The following SMC5 variants were observed in gnomAD, a reference collection of about 807,000 sequenced individuals.
SMC5 encodes the protein structural maintenance of chromosomes protein 5.
A neutral mutation model predicts 148.3 loss-of-function variants in SMC5; 88 were observed. The observed-to-expected ratio is 0.59, with a 90% CI of 0.50 to 0.71. SMC5 has a LOEUF of 0.71. SMC5 is among the 30% of genes least tolerant of loss of function. The probability of loss-of-function intolerance (pLI) is 0.00; values close to 1 mark genes in which losing one functional copy is unlikely to be tolerated. For missense variants in SMC5, 1,142 were observed against 1,298.9 expected (o/e 0.88, Z 1.86); for synonymous variants, 421 against 432.8 (o/e 0.97, Z 0.34).
chr9:70,332,642 A>G (rs528077609), intron 17 of SMC5, among the ~76,000 whole-genome samples: 120 of 152,332 alleles, frequency 7.9e-4, no homozygotes, highest in Non-Finnish European at 1.4e-3. Flanking sequence ...GATACTAAAA[A>G]GAACTACAGA....
intron 17 of SMC5, among the ~76,000 whole-genome samples, chr9:70,327,708 A>G (rs1278033684): frequency 6.6e-6 from 1 of 152,228 alleles, no homozygotes; most frequent in Non-Finnish European, 1.5e-5. Flanking sequence ...GCAGCTGCTA[A>G]TGAATCGGAT....
At chr9:70,280,733 G>A (rs1294239447) in intron 5 of SMC5, 26 bp from the exon 6 acceptor site, 1 of 1,576,328 alleles carries the variant, frequency 6.3e-7, no homozygotes, top group East Asian at 2.2e-5. Context: ...CTGTCAAACT[G>A]ATTGTTCAAC....
chr9:70,335,046 G>A (rs954306089), intron 17 of SMC5, among the ~76,000 whole-genome samples: 1 of 152,184 alleles, frequency 6.6e-6, no homozygotes. Context: ...ACTGTCATAC[G>A]CCACTGGTGG....
intron 3 of SMC5, among the ~76,000 whole-genome samples, chr9:70,273,137 T>TTA (rs2034496267): frequency 6.6e-6 from 1 of 151,964 alleles, no homozygotes; most frequent in Non-Finnish European, 1.5e-5. Flanking sequence ...AGCTTACTGT[T>TTA]TAAAAAAATC....
chr9:70,305,133 TA>T (rs2035462277), intron 10 of SMC5, 113 bp from the exon 11 acceptor site: 1 of 558,344 alleles, frequency 1.8e-6, no homozygotes, highest in Non-Finnish European at 3.2e-6. Flanking sequence ...TCTTTTTTTT[TA>T]TCTTGTTTTT....
At chr9:70,270,349 T>C (rs924661998) in intron 3 of SMC5, among the ~76,000 whole-genome samples, 2 of 152,178 alleles carry the variant, frequency 1.3e-5, no homozygotes, top group Non-Finnish European at 2.9e-5. Flanking sequence ...TATGGATGTG[T>C]TTCGTAATCT....
chr9:70,336,200 T>C (rs1240978413), intron 17 of SMC5, among the ~76,000 whole-genome samples: 2 of 151,756 alleles, frequency 1.3e-5, no homozygotes, highest in East Asian at 3.9e-4. Flanking sequence ...GGGTAGATTT[T>C]AGGAAATGTA....
Position 70,349,034 on chromosome 9 carries a change from A to G in SMC5, c.2889+996A>G, listed in dbSNP as rs146767638. Among the ~76,000 whole-genome samples, 61 of 151,528 alleles carry G rather than the reference A, an allele frequency of 4.0e-4. 1 individual carries two copies. Among genetic ancestry groups the G allele is most frequent in the African/African-American group, 1.4e-3 (58 of 41,052 alleles). On this transcript the variant is annotated intron_variant, in intron 22 of 24. Coordinates refer to ENST00000361138, the MANE Select transcript of SMC5 (RefSeq NM_015110.4). ...ATCTTAGACCTTAAAGCTCTATTCAATTAATAGATAACCTTTAATTAGTAA... is the reference window on the plus strand; with the variant it reads ...ATCTTAGACCTTAAAGCTCTATTCAGTTAATAGATAACCTTTAATTAGTAA...
intron 16 of SMC5, 120 bp from the exon 17 acceptor site, chr9:70,323,901 C>T (rs1213057089): frequency 1.0e-6 from 1 of 981,022 alleles, no homozygotes; most frequent in Non-Finnish European, 1.5e-6. Context: ...AGAGAGATGT[C>T]AGGCACAATA....
intron 17 of SMC5, among the ~76,000 whole-genome samples, chr9:70,334,952 T>G (rs1306545093): frequency 6.6e-6 from 1 of 152,164 alleles, no homozygotes; most frequent in African/African-American, 2.4e-5. Flanking sequence ...ATTAAAGGCA[T>G]GAGTTAAACC....
intron 3 of SMC5, among the ~76,000 whole-genome samples, chr9:70,269,022 T>A (rs1587618794): frequency 6.6e-6 from 1 of 152,188 alleles, no homozygotes; most frequent in Non-Finnish European, 1.5e-5. Flanking sequence ...AGTGGAAAGT[T>A]GTGGCATTTT....
rs2036605089 is a variant in SMC5, at chr9:70,344,283, G to T, written c.2523+14G>T. On this transcript the variant is annotated intron_variant, in intron 18 of 24. Transcript: ENST00000361138. Reference sequence around the variant, plus strand: ...GAATACCAGACAGTAAGTATAAAAAGTATATAATGCTACAATTGCCATATT... The same window carrying T: ...GAATACCAGACAGTAAGTATAAAAATTATATAATGCTACAATTGCCATATT... 1.4e-6 allele frequency: 2 copies of T among 1,423,810 alleles called. No individual in the cohort carries two copies. The highest frequency in any genetic ancestry group is 2.9e-5 in the African/African-American group (2 of 68,534). 88.2% of individuals were successfully genotyped at this position (1,423,810 alleles called of 1,614,324 possible). A position where few individuals can be genotyped will look rare whatever the true frequency, so the allele number is the denominator to read the frequency against.
intron 3 of SMC5, among the ~76,000 whole-genome samples, chr9:70,274,615 A>G (rs1320493059): frequency 1.3e-5 from 2 of 151,926 alleles, no homozygotes; most frequent in Non-Finnish European, 2.9e-5. Flanking sequence ...ATTTACAAAT[A>G]TATGTTTGAA....
At chr9:70,316,523 A>G (rs1029154927) in intron 13 of SMC5, among the ~76,000 whole-genome samples, 6 of 151,756 alleles carry the variant, frequency 4.0e-5, no homozygotes, top group African/African-American at 1.2e-4. Flanking sequence ...AGAAGTCTCT[A>G]TGTGGGTATA....
chr9:70,336,482 G>C (rs1309735262), intron 17 of SMC5, among the ~76,000 whole-genome samples: 2 of 152,184 alleles, frequency 1.3e-5, no homozygotes, highest in Non-Finnish European at 2.9e-5. Flanking sequence ...GGAAGGAAAG[G>C]ATGGCAGAAT....
chr9:70,272,786 T>C lies in SMC5; in HGVS notation c.381-4524T>C, dbSNP rs2034486232. ...CATAGGGAAAACTAGGAAAGGAAACTGAGAGTTGGCTAGTGAGTCAGAAGA... is the reference window on the plus strand; with the variant it reads ...CATAGGGAAAACTAGGAAAGGAAACCGAGAGTTGGCTAGTGAGTCAGAAGA... On this transcript the variant is annotated intron_variant, in intron 3 of 24. Transcript: ENST00000361138. 2.6e-5 allele frequency among the ~76,000 whole-genome samples: 4 copies of C among 152,244 alleles called. No individual in the cohort carries two copies. The South Asian group carries it at 8.3e-4, about 32-fold the overall frequency.
rs892515654 is a variant in SMC5, at chr9:70,324,039, A to G, written c.2293A>G (p.Ile765Val). The change falls in exon 17 of 25, where the codon ATA becomes GTA. Residue 765 changes from isoleucine (I) to valine (V), a missense_variant. Ile to Val is a conservative substitution (Grantham distance 29). This residue lies in a region of SMC5 where 743 missense variants were observed against 835.7 expected (regional missense o/e 0.89). Coordinates refer to ENST00000361138, the MANE Select transcript of SMC5 (RefSeq NM_015110.4). ...NLIKICTSLH[I>V]QKVDLILQNT... ...TTCCTAGATTTGTACTTCTTTGCAT[A>G]TACAAAAAGTAGATTTAATTCTCCA... 8.9e-6 allele frequency: 14 copies of G among 1,577,942 alleles called. No homozygotes were observed. The East Asian group carries it at 2.1e-4, about 23-fold the overall frequency.
chr9:70,299,995 C>T (rs754388144), intron 9 of SMC5, 51 bp from the exon 10 acceptor site: 3 of 1,480,352 alleles, frequency 2.0e-6, no homozygotes, highest in East Asian at 2.4e-5. Flanking sequence ...GATTATTTCA[C>T]TAATTAAAAT....
At position 70,259,025 on chromosome 9, in the gene SMC5, T is replaced by A. The variant is rs1391567541; in HGVS notation, c.-54T>A. 7 of 1,525,532 alleles carry A rather than the reference T, an allele frequency of 4.6e-6. No homozygotes were observed. Among genetic ancestry groups the A allele is most frequent in the Non-Finnish European group, 6.2e-6 (7 of 1,135,390 alleles). The allele number at this position is 1,525,532 out of a possible 1,614,324, so 94.5% of individuals were successfully genotyped here. A position where few individuals can be genotyped will look rare whatever the true frequency, so the allele number is the denominator to read the frequency against. ...CTGGGTGGATGGGCGCTTGGGCGCC[T>A]GGGCTGCCGGACGGTGGGAACGGAA... is the stretch of plus-strand genomic sequence containing the variant. On this transcript the variant is annotated 5_prime_UTR_variant, in exon 1 of 25. Transcript: ENST00000361138.
Sources: gnomAD v4.1 joint callset for allele counts (sites outside exome capture counted in the v4.1 genomes callset) on GRCh38, gnomAD v4.1.1 for gene constraint, gnomAD v4.1.1 regional missense constraint, MANE v1.5 for transcripts, NCBI Gene and HGNC (gene_info 2026-07-23, HGNC 2026-07-21) for gene names.